DECR2: variants seen among roughly 807,000 people sequenced by gnomAD.
DECR2 encodes 2,4-dienoyl-CoA reductase 2.
DECR2 carries 34 observed loss-of-function variants against 29.2 expected under a neutral mutation model. The ratio of observed to expected loss-of-function variants is 1.16; its 90% CI spans 0.89 to 1.55. The LOEUF (loss-of-function observed/expected upper bound fraction) is 1.55, where lower values mean the gene tolerates loss of function less well. Ranked by LOEUF, DECR2 falls within the 40% of genes most tolerant of loss-of-function variation. The pLI is 0.00. For missense variants in DECR2, 485 were observed against 425.3 expected (o/e 1.14, Z -1.23); for synonymous variants, 224 against 182.7 (o/e 1.23, Z -1.82).
intron 4 of DECR2, among the ~76,000 whole-genome samples, chr16:408,044 T>TGTCTCCGGCCCC (rs2054756878): frequency 1.3e-4 from 1 of 7,710 alleles, no homozygotes. Flanking sequence ...TCTCCGGGCC[T>TGTCTCCGGCCCC]CTGTCTCCGG....
chr16:410,147 T>C lies in DECR2; in HGVS notation c.338-96T>C. 6.7e-7 allele frequency: 1 copy of C among 1,500,370 alleles called. No individual in the cohort carries two copies. Among genetic ancestry groups the C allele is most frequent in the African/African-American group, 1.4e-5 (1 of 71,960 alleles). The allele number at this position is 1,500,370 out of a possible 1,614,324, so 92.9% of individuals were successfully genotyped here. The stretch of plus-strand genomic sequence containing the variant: ...TCCCTGTGCCACAGGGCACCTGGGC[T>C]CCCTCCTGCACCCTCCGCTCTGCCC... On this transcript the variant is annotated intron_variant, in intron 4 of 8. Transcript: ENST00000219481. The surrounding 1 kb of genome is among the most constrained non-coding windows in gnomAD (Gnocchi z 4.1).
chr16:406,072 G>A lies in DECR2; in HGVS notation c.150-274G>A, dbSNP rs776923569. On this transcript the variant is annotated intron_variant, in intron 2 of 8. Coordinates refer to ENST00000219481, the MANE Select transcript of DECR2 (RefSeq NM_020664.4). ...CCCCAGGCAGATGTGTGGGCTGGGC[G>A]TCTGTGGCTCACAGCTGTCTCTGTA... is the stretch of plus-strand genomic sequence containing the variant. Among the ~76,000 whole-genome samples the A allele has an allele frequency of 1.4e-4, 22 of 152,208 alleles. 1 individual carries two copies. The highest frequency in any genetic ancestry group is 1.4e-3 in the Admixed American group (22 of 15,280).
At chr16:406,158 C>T (rs774168343) in intron 2 of DECR2, among the ~76,000 whole-genome samples, 188 bp from the exon 3 acceptor site, 2 of 152,226 alleles carry the variant, frequency 1.3e-5, no homozygotes, top group Non-Finnish European at 2.9e-5. Flanking sequence ...CCAGAAACCC[C>T]GGGGTGGGCA....
Position 402,008 on chromosome 16 carries a change from C to T in DECR2, c.45C>T (p.Pro15=). ...PPDVEGDDCL[P]AYRHLFCPDL... ...ACGTGGAGGGGGACGACTGTCTCCC[C>T]GCGTACCGCCACCTCTTCTGCCCGG... Residue 15 remains proline (P), a synonymous_variant, in exon 1 of 9, where the codon CCC becomes CCT. Coordinates refer to ENST00000219481, the MANE Select transcript of DECR2 (RefSeq NM_020664.4). 2 of 1,488,944 alleles carry T rather than the reference C, an allele frequency of 1.3e-6. No individual in the cohort carries two copies. The highest frequency in any genetic ancestry group is 1.8e-6 in the Non-Finnish European group (2 of 1,126,900). 92.2% of individuals were successfully genotyped at this position (1,488,944 alleles called of 1,614,324 possible).
chr16:407,969 G>A lies in DECR2; in HGVS notation c.337+409G>A, dbSNP rs1267261253. On this transcript the variant is annotated intron_variant, in intron 4 of 8. Transcript: ENST00000219481. ...CCCCTGTCTCCAGGCCTCTGTCTCC[G>A]GCCCCCTGTCTCCGGGCCCCTGTCT... is the stretch of plus-strand genomic sequence containing the variant. 4.1e-4 allele frequency among the ~76,000 whole-genome samples: 29 copies of A among 69,988 alleles called. 5 individuals are homozygous for A. The highest frequency in any genetic ancestry group is 1.3e-3 in the African/African-American group (26 of 19,812). 45.9% of individuals were successfully genotyped at this position (69,988 alleles called of 152,430 possible).
At chr16:406,926 C>T in intron 3 of DECR2, 1 of 1,031,162 alleles carries the variant, frequency 9.7e-7, no homozygotes, top group Admixed American at 5.4e-5. Context: ...CCAAAACTTG[C>T]ACCTATCCTA....
At chr16:407,842 T>A (rs1346616246) in intron 4 of DECR2, among the ~76,000 whole-genome samples, 1 of 143,532 alleles carries the variant, frequency 7.0e-6, no homozygotes, top group African/African-American at 2.6e-5. Context: ...CGGCCCCCTG[T>A]CTCTGGGCCT....
chr16:407,574 G>C lies in DECR2; in HGVS notation c.337+14G>C. On this transcript the variant is annotated intron_variant, in intron 4 of 8. Transcript: ENST00000219481. ...TTCTCATTAACTGTGAGTCGGTGCTGAGTGAGGTTGGTGGCTTCTCACAGG... is the reference window on the plus strand; with the variant it reads ...TTCTCATTAACTGTGAGTCGGTGCTCAGTGAGGTTGGTGGCTTCTCACAGG... 6.2e-7 allele frequency: 1 copy of C among 1,613,262 alleles called. No individual in the cohort carries two copies. Among genetic ancestry groups the C allele is most frequent in the South Asian group, 1.1e-5 (1 of 91,016 alleles).
At chr16:405,738 T>A (rs978571670) in intron 2 of DECR2, 9 of 553,248 alleles carry the variant, frequency 1.6e-5, no homozygotes, top group Non-Finnish European at 2.5e-5. Flanking sequence ...TCCATGCTGT[T>A]ACCCCCAGGC....
At chr16:408,828 G>C (rs2054775281) in intron 4 of DECR2, among the ~76,000 whole-genome samples, 2 of 135,310 alleles carry the variant, frequency 1.5e-5, no homozygotes, top group African/African-American at 6.1e-5. Flanking sequence ...AGCTAGCCTG[G>C]CCTAGCTTTT....
intron 4 of DECR2, chr16:409,951 AC>A (rs2054790753): frequency 2.3e-6 from 1 of 427,342 alleles, no homozygotes; most frequent in South Asian, 3.4e-5. Context: ...ATTCGTTGTG[AC>A]TTCAGTGTAA....
At chr16:407,227 G>C (rs565608188) in intron 3 of DECR2, 198 bp from the exon 4 acceptor site, 2 of 1,401,824 alleles carry the variant, frequency 1.4e-6, no homozygotes, top group East Asian at 2.6e-5. Flanking sequence ...GTGGCAGGTG[G>C]GGGGAGAGCG....
Position 401,979 on chromosome 16 carries a change from C to A in DECR2, c.16C>A (p.Pro6Thr). 6.7e-7 allele frequency: 1 copy of A among 1,491,062 alleles called. No homozygotes were observed. Among genetic ancestry groups the A allele is most frequent in the Non-Finnish European group, 8.9e-7 (1 of 1,128,468 alleles). 92.4% of individuals were successfully genotyped at this position (1,491,062 alleles called of 1,614,324 possible). ...CGGGAGCGCCATGGCCCAGCCGCCG[C>A]CCGACGTGGAGGGGGACGACTGTCT... MAQPP[P>T]DVEGDDCLPA... The change falls in exon 1 of 9, where the codon CCC (proline) becomes ACC (threonine). Residue 6 changes from proline to threonine, a missense_variant. Pro to Thr is a conservative substitution (Grantham distance 38). Coordinates refer to ENST00000219481, the MANE Select transcript of DECR2 (RefSeq NM_020664.4).
In DECR2 at chr16:410,752, A is replaced by G. The variant is rs2141817804; in HGVS notation, c.524A>G (p.Gln175Arg). The G allele has an allele frequency of 1.2e-6, 2 of 1,605,444 alleles. No individual in the cohort carries two copies. The highest frequency in any genetic ancestry group is 8.5e-7 in the Non-Finnish European group (1 of 1,177,730). Residue 175 changes from glutamine (Q) to arginine (R), a missense_variant, in exon 6 of 9, where the codon CAG (glutamine) becomes CGG (arginine). Transcript: ENST00000219481. This position sits in a 1 kb window ranked among gnomAD's most constrained non-coding sequence, Gnocchi z 4.1. ...CTGGGGAACCGGGGGCAGGCGCTCC[A>G]GGTGCATGCAGGCTCCGCCAAGGCC... is the stretch of plus-strand genomic sequence containing the variant. The part of the protein sequence containing the change: ...ATLGNRGQAL[Q>R]VHAGSAKAAV...
intron 2 of DECR2, among the ~76,000 whole-genome samples, chr16:405,843 G>A (rs911856324): frequency 6.6e-6 from 1 of 152,170 alleles, no homozygotes; most frequent in East Asian, 1.9e-4. Context: ...TGACCTAAAG[G>A]CAGGACTTCT....
chr16:407,187 G>A (rs2054735254), intron 3 of DECR2: 16 of 1,345,198 alleles, frequency 1.2e-5, no homozygotes, highest in Admixed American at 6.2e-5. Context: ...GTGGCCTGGA[G>A]GGCGACGCAG....
intron 1 of DECR2, chr16:402,796 C>T (rs954335401): frequency 6.6e-6 from 1 of 152,484 alleles, no homozygotes; most frequent in African/African-American, 2.4e-5. Flanking sequence ...CCAGCCTGGC[C>T]AACATGGTGA....
rs2141819618 is a variant in DECR2, at chr16:412,363, T to G, written c.*474T>G. On this transcript the variant is annotated 3_prime_UTR_variant, in exon 9 of 9. Transcript: ENST00000219481. ...GCACCACCTGTTTGCATAAACACAC[T>G]TTGCTACAATCTTGCTAGTGCGTTT... 1 of 152,350 alleles carries G rather than the reference T, an allele frequency of 6.6e-6. No individual in the cohort carries two copies. Among genetic ancestry groups the G allele is most frequent in the South Asian group, 2.1e-4 (1 of 4,830 alleles). The allele number at this position is 152,350 out of a possible 1,614,324, so 9.4% of individuals were successfully genotyped here.
Position 411,056 on chromosome 16 carries a change from C to T in DECR2, c.641C>T (p.Thr214Ile), listed in dbSNP as rs1956883114. ...CTCGCCCCTGGCCCCATCAGTGGCA[C>T]AGAGGGGCTCCGGCGACTGGGTAAG... ...NSLAPGPISGTEGLRRLGGPQ... is the reference protein window; with the variant it reads ...NSLAPGPISGIEGLRRLGGPQ... The change falls in exon 7 of 9, where the codon ACA (threonine) becomes ATA (isoleucine). Residue 214 changes from threonine to isoleucine, a missense_variant. Coordinates refer to ENST00000219481, the MANE Select transcript of DECR2 (RefSeq NM_020664.4). 6.4e-7 allele frequency: 1 copy of T among 1,562,898 alleles called. No individual in the cohort carries two copies. Among genetic ancestry groups the T allele is most frequent in the Non-Finnish European group, 8.6e-7 (1 of 1,158,138 alleles).
Sources: allele counts gnomAD v4.1 joint callset (sites outside exome capture counted in the v4.1 genomes callset), GRCh38; gene constraint gnomAD v4.1.1; non-coding constraint Gnocchi (gnomAD v3.1); transcripts MANE v1.5; gene names NCBI Gene and HGNC (gene_info 2026-07-23, HGNC 2026-07-21).